The following GALNT13 variants were observed in gnomAD, a reference collection of about 807,000 sequenced individuals.
GALNT13 encodes the protein polypeptide N-acetylgalactosaminyltransferase 13, also known as UDP-GalNAc:polypeptide N-acetylgalactosaminyltransferase 13.
A neutral mutation model predicts 64.2 loss-of-function variants in GALNT13; 28 were observed. The ratio of observed to expected loss-of-function variants is 0.44; its 90% confidence interval spans 0.32 to 0.60. The LOEUF (loss-of-function observed/expected upper bound fraction) is 0.60. GALNT13 is among the 20% of genes least tolerant of loss of function. The pLI, the probability that GALNT13 is intolerant of heterozygous loss-of-function variation, is 0.05. For synonymous variants in GALNT13, 214 were observed against 224.6 expected (o/e 0.95, Z 0.42); for missense variants, 577 against 669.8 (o/e 0.86, Z 1.53).
At chr2:153,415,527 A>G in the GALNT13 span, among the ~76,000 whole-genome samples, 1 of 152,216 alleles carries the variant, frequency 6.6e-6, no homozygotes, top group African/African-American at 2.4e-5. Context: ...AGTCTGTATA[A>G]AAGTATGAGT....
chr2:153,615,528 C>A, the GALNT13 span, among the ~76,000 whole-genome samples: 1 of 152,068 alleles, frequency 6.6e-6, no homozygotes, highest in Admixed American at 6.6e-5. Flanking sequence ...CACATCCTCA[C>A]CAGCTTTGTT....
At chr2:153,620,556 A>G in the GALNT13 span, among the ~76,000 whole-genome samples, 2 of 151,906 alleles carry the variant, frequency 1.3e-5, no homozygotes, top group African/African-American at 2.4e-5. Context: ...TAAGACTCCG[A>G]GGCATTCTTC....
intron 8 of GALNT13, among the ~76,000 whole-genome samples, chr2:154,262,279 A>T (rs1370618601): frequency 6.6e-6 from 1 of 152,148 alleles, no homozygotes; most frequent in Non-Finnish European, 1.5e-5. Context: ...TTACCTCCTC[A>T]TTAAGGTTCA....
chr2:153,371,837 T>C, the GALNT13 span, among the ~76,000 whole-genome samples: 2 of 152,234 alleles, frequency 1.3e-5, no homozygotes, highest in East Asian at 3.8e-4. Context: ...TGGTGATCTT[T>C]GGATACTTTT....
At position 154,223,408 on chromosome 2, in the gene GALNT13, A is replaced by G. The variant is rs1160353563; in HGVS notation, c.312-18622A>G. On this transcript the variant is annotated intron_variant, in intron 4 of 12. Coordinates refer to ENST00000392825, the MANE Select transcript of GALNT13 (RefSeq NM_052917.4). ...GTTATTGTAGATGGAAAGCTGATCC[A>G]CTTTGTTGAAATTTATTATTTATTT... is the stretch of plus-strand genomic sequence containing the variant. Among the ~76,000 whole-genome samples, 7 of 149,118 alleles carry G rather than the reference A, an allele frequency of 4.7e-5. No homozygotes were observed. The East Asian group carries it at 1.4e-3, about 29-fold the overall frequency.
chr2:153,128,005 G>A, the GALNT13 span, among the ~76,000 whole-genome samples: 5 of 152,186 alleles, frequency 3.3e-5, no homozygotes, highest in Non-Finnish European at 7.3e-5. Flanking sequence ...GATGAGGGGA[G>A]TAAACTTTTT....
At chr2:153,123,741 A>G in the GALNT13 span, among the ~76,000 whole-genome samples, 1 of 152,212 alleles carries the variant, frequency 6.6e-6, no homozygotes, top group Non-Finnish European at 1.5e-5. Context: ...TAAGGGCCAA[A>G]TACAGAGCCT....
chr2:154,196,433 T>G (rs1432287603), intron 4 of GALNT13, among the ~76,000 whole-genome samples: 2 of 152,238 alleles, frequency 1.3e-5, no homozygotes, highest in East Asian at 3.8e-4. Flanking sequence ...GAAGTTCTTT[T>G]ATTTGTTTTC....
chr2:153,566,348 GTTTTTTTTTTT>G, the GALNT13 span, among the ~76,000 whole-genome samples: 1 of 74,826 alleles, frequency 1.3e-5, no homozygotes, highest in Admixed American at 1.6e-4. Context: ...TTCTAATCAC[GTTTTTTTTTTT>G]TTTTTTTTTT....
At chr2:153,123,859 C>T in the GALNT13 span, among the ~76,000 whole-genome samples, 1 of 152,196 alleles carries the variant, frequency 6.6e-6, no homozygotes, top group Non-Finnish European at 1.5e-5. Flanking sequence ...TAATGATTCT[C>T]ACCTCCTGAT....
chr2:154,421,747 G>GT (rs1700263232), intron 11 of GALNT13, among the ~76,000 whole-genome samples: 1 of 151,884 alleles, frequency 6.6e-6, no homozygotes, highest in South Asian at 2.1e-4. Context: ...TATGAAATGG[G>GT]TTTTTTCTTT....
At chr2:153,635,560 G>A in the GALNT13 span, among the ~76,000 whole-genome samples, 1 of 151,630 alleles carries the variant, frequency 6.6e-6, no homozygotes. Flanking sequence ...AAGTAAATTA[G>A]GGCAAGAAGT....
chr2:153,910,369 T>G (rs1260037387), intron 2 of GALNT13, among the ~76,000 whole-genome samples: 1 of 152,080 alleles, frequency 6.6e-6, no homozygotes, highest in South Asian at 2.1e-4. Context: ...TCTTTTTAAT[T>G]TTCTCAAAAT....
the GALNT13 span, among the ~76,000 whole-genome samples, chr2:153,829,900 T>G: frequency 6.6e-6 from 1 of 152,220 alleles, no homozygotes; most frequent in African/African-American, 2.4e-5. Context: ...AGTCTCAGTC[T>G]TTACATTTTG....
chr2:154,082,749 G>A (rs1415794216), intron 3 of GALNT13, among the ~76,000 whole-genome samples: 1 of 151,718 alleles, frequency 6.6e-6, no homozygotes, highest in Non-Finnish European at 1.5e-5. Context: ...CCCACTTTTT[G>A]ATGGGTTTGT....
the GALNT13 span, among the ~76,000 whole-genome samples, chr2:153,664,900 C>T: frequency 6.6e-6 from 1 of 152,148 alleles, no homozygotes; most frequent in East Asian, 1.9e-4. Context: ...CCTTCCCAAA[C>T]TTCTGGACCA....
intron 3 of GALNT13, among the ~76,000 whole-genome samples, chr2:153,977,294 C>T (rs1694140341): frequency 6.6e-6 from 1 of 152,108 alleles, no homozygotes; most frequent in Admixed American, 6.5e-5. Context: ...TGTTCTCATG[C>T]AGCTAATAAA....
chr2:153,863,733 A>G, the GALNT13 span, among the ~76,000 whole-genome samples: 1 of 152,130 alleles, frequency 6.6e-6, no homozygotes, highest in Non-Finnish European at 1.5e-5. Context: ...ATGTAATTTA[A>G]TATATATATT....
intron 4 of GALNT13, among the ~76,000 whole-genome samples, chr2:154,148,840 T>A (rs1683788416): frequency 6.6e-6 from 1 of 152,202 alleles, no homozygotes; most frequent in Non-Finnish European, 1.5e-5. Context: ...CTTTGTCAGA[T>A]GAGTAGGTTG....
Sources: allele counts gnomAD v4.1 joint callset (sites outside exome capture counted in the v4.1 genomes callset), GRCh38; gene constraint gnomAD v4.1.1; transcripts MANE v1.5; gene names NCBI Gene and HGNC (gene_info 2026-07-23, HGNC 2026-07-21).